The following PPARA variants were observed in gnomAD, a reference collection of about 807,000 sequenced individuals.
PPARA encodes peroxisome proliferator-activated receptor alpha.
Under a neutral mutation model 42.2 loss-of-function variants are expected in PPARA, and 22 were observed. The ratio of observed to expected loss-of-function variants is 0.52; its 90% CI spans 0.37 to 0.74. The LOEUF is 0.74. Ranked by LOEUF, PPARA falls within the 30% of genes least tolerant of loss-of-function variation. The pLI, the probability that PPARA is intolerant of heterozygous loss-of-function variation, is 0.00. For synonymous variants in PPARA, 242 were observed against 239.3 expected (o/e 1.01, Z -0.10); for missense variants, 465 against 608.2 (o/e 0.76, Z 2.48).
At chr22:46,159,532 A>G (rs1056849021) in intron 2 of PPARA, among the ~76,000 whole-genome samples, 2 of 152,208 alleles carry the variant, frequency 1.3e-5, no homozygotes, top group Admixed American at 6.5e-5. Flanking sequence ...TCAGAAGTGC[A>G]CAAAAGTTTA....
intron 4 of PPARA, among the ~76,000 whole-genome samples, chr22:46,208,350 C>A (rs1933594199): frequency 1.3e-5 from 2 of 152,038 alleles, no homozygotes; most frequent in South Asian, 4.1e-4. Flanking sequence ...GAGTTCAAGA[C>A]TAGCCTGGCC....
In PPARA at chr22:46,222,480, C is replaced by T. The variant is rs1412643666; in HGVS notation, c.711+2466C>T. Among the ~76,000 whole-genome samples the T allele has an allele frequency of 3.3e-5, 5 of 152,212 alleles. No homozygotes were observed. Among genetic ancestry groups the T allele is most frequent in the African/African-American group, 1.2e-4 (5 of 41,454 alleles). On this transcript the variant is annotated intron_variant, in intron 7 of 8. Coordinates refer to ENST00000407236, the MANE Select transcript of PPARA (RefSeq NM_005036.6). The surrounding 1 kb of genome is among the most constrained non-coding windows in gnomAD (Gnocchi z 5.9). ...ATGAACAAACCAAACCTCTTCTTTA[C>T]TGAGTCCTTTAATTCTTCAGTGAAT...
In PPARA at chr22:46,221,510, C is replaced by G. The variant is rs1934998147; in HGVS notation, c.711+1496C>G. Among the ~76,000 whole-genome samples the G allele has an allele frequency of 6.6e-6, 1 of 152,196 alleles. No individual in the cohort carries two copies. Among genetic ancestry groups the G allele is most frequent in the African/African-American group, 2.4e-5 (1 of 41,466 alleles). Reference sequence around the variant, plus strand: ...TGACATCTTGGGGCTTAGAAAGGGCCACTTGTAAGCCAGGCGTGGTGGCTC... The same window carrying G: ...TGACATCTTGGGGCTTAGAAAGGGCGACTTGTAAGCCAGGCGTGGTGGCTC... On this transcript the variant is annotated intron_variant, in intron 7 of 8. Transcript: ENST00000407236. This position sits in a 1 kb window ranked among gnomAD's most constrained non-coding sequence, Gnocchi z 5.9.
chr22:46,195,086 A>C lies in PPARA; in HGVS notation c.-42-3256A>C, dbSNP rs2147356065. 6.7e-6 allele frequency among the ~76,000 whole-genome samples: 1 copy of C among 149,114 alleles called. No individual in the cohort carries two copies. The highest frequency in any genetic ancestry group is 2.5e-5 in the African/African-American group (1 of 40,438). ...CCCGGCTAATTTTTGTATTTTTAGT[A>C]GAGACGGGGTTTCACCCTGTTGGCC... On this transcript the variant is annotated intron_variant, in intron 3 of 8. Coordinates refer to ENST00000407236, the MANE Select transcript of PPARA (RefSeq NM_005036.6). The surrounding 1 kb of genome is among the most constrained non-coding windows in gnomAD (Gnocchi z 4.6).
Position 46,236,582 on chromosome 22 carries a change from C to T in PPARA, c.*1202C>T, listed in dbSNP as rs1200237023. ...ACTGACACCTTACTTGTCAGTGTTC[C>T]TCCGGGCCCCATTTGGCAGCTCCCG... On this transcript the variant is annotated 3_prime_UTR_variant, in exon 9 of 9. Coordinates refer to ENST00000407236, the MANE Select transcript of PPARA (RefSeq NM_005036.6). The surrounding 1 kb of genome is among the most constrained non-coding windows in gnomAD (Gnocchi z 5.2). 3 of 152,646 alleles carry T rather than the reference C, an allele frequency of 2.0e-5. No individual in the cohort carries two copies. The highest frequency in any genetic ancestry group is 2.9e-5 in the Non-Finnish European group (2 of 68,066). 9.5% of individuals were successfully genotyped at this position (152,646 alleles called of 1,614,324 possible).
chr22:46,157,584 A>G (rs1925511455), intron 2 of PPARA, among the ~76,000 whole-genome samples: 1 of 152,244 alleles, frequency 6.6e-6, no homozygotes, highest in Non-Finnish European at 1.5e-5. Flanking sequence ...TATGGATTAA[A>G]TAGAATTTTT....
chr22:46,214,512 A>G (rs4253730), intron 4 of PPARA, among the ~76,000 whole-genome samples: 48,396 of 130,370 alleles, frequency 0.37, 8,938 homozygotes, highest in African/African-American at 0.55. Flanking sequence ...GGAAATGTGC[A>G]GAGCGGAGAT....
At chr22:46,174,189 A>AG (rs1491302163) in intron 2 of PPARA, among the ~76,000 whole-genome samples, 15,195 of 106,690 alleles carry the variant, frequency 0.14, 1,081 homozygotes, top group Middle Eastern at 0.18. Flanking sequence ...AAGAAGGAAG[A>AG]AAGAGAGAGA....
At chr22:46,194,795 A>T (rs1479468702) in intron 3 of PPARA, among the ~76,000 whole-genome samples, 1 of 150,606 alleles carries the variant, frequency 6.6e-6, no homozygotes, top group Non-Finnish European at 1.5e-5. Context: ...GCTGGTTTTG[A>T]ACTCCTGACC....
chr22:46,217,337 G>A (rs1203590318), intron 5 of PPARA, among the ~76,000 whole-genome samples: 1 of 152,162 alleles, frequency 6.6e-6, no homozygotes, highest in Non-Finnish European at 1.5e-5. Flanking sequence ...GAACTCCTTC[G>A]CATGTTTTCT....
rs1298901903 is a variant in PPARA at position 46,227,316 on chromosome 22, A to G, written c.712-4476A>G. Among the ~76,000 whole-genome samples the G allele has an allele frequency of 2.6e-5, 4 of 152,076 alleles. No homozygotes were observed. The highest frequency in any genetic ancestry group is 4.4e-5 in the Non-Finnish European group (3 of 68,022). On this transcript the variant is annotated intron_variant, in intron 7 of 8. Coordinates refer to ENST00000407236, the MANE Select transcript of PPARA (RefSeq NM_005036.6). The surrounding 1 kb of genome is among the most constrained non-coding windows in gnomAD (Gnocchi z 4.3). The stretch of plus-strand genomic sequence containing the variant: ...GCCCAGGCTGGAGTGCAGTGGCGCA[A>G]TCTCAGCTCACTGCAACCTCCCCCT...
intron 3 of PPARA, 130 bp downstream of exon 3, chr22:46,176,966 T>G (rs978970406): frequency 2.0e-5 from 3 of 152,322 alleles, no homozygotes; most frequent in African/African-American, 7.2e-5. Context: ...ATCCCAGGAC[T>G]TTGGGGGGCC....
intron 3 of PPARA, among the ~76,000 whole-genome samples, 189 bp downstream of exon 3, chr22:46,177,025 A>G (rs1427457326): frequency 1.3e-5 from 2 of 152,184 alleles, no homozygotes; most frequent in African/African-American, 4.8e-5. Flanking sequence ...CCTGGCTAAC[A>G]CAGTGAAACC....
rs117597757 is a variant in PPARA at position 46,184,894 on chromosome 22, G to A, written c.-43+8058G>A. ...GTATTCTGTTGGATCGTTTGTGTGC[G>A]ACGTGTTTTTCCCTCTCAGAAAGCT... On this transcript the variant is annotated intron_variant, in intron 3 of 8. Transcript: ENST00000407236. The surrounding 1 kb of genome is among the most constrained non-coding windows in gnomAD (Gnocchi z 4.4). 1.9e-3 allele frequency among the ~76,000 whole-genome samples: 285 copies of A among 152,236 alleles called. No individual in the cohort carries two copies. The highest frequency in any genetic ancestry group is 3.5e-3 in the Non-Finnish European group (236 of 68,022).
At chr22:46,174,647 T>C (rs1220362067) in intron 2 of PPARA, among the ~76,000 whole-genome samples, 1 of 151,748 alleles carries the variant, frequency 6.6e-6, no homozygotes, top group Non-Finnish European at 1.5e-5. Flanking sequence ...TGAGACCCTG[T>C]CTCTACAAAA....
At position 46,191,330 on chromosome 22, in the gene PPARA, C is replaced by T. The variant is rs1360339419; in HGVS notation, c.-42-7012C>T. 3.3e-5 allele frequency among the ~76,000 whole-genome samples: 5 copies of T among 152,152 alleles called. No homozygotes were observed. Among genetic ancestry groups the T allele is most frequent in the South Asian group, 4.1e-4 (2 of 4,834 alleles). On this transcript the variant is annotated intron_variant, in intron 3 of 8. Coordinates refer to ENST00000407236, the MANE Select transcript of PPARA (RefSeq NM_005036.6). The surrounding 1 kb of genome is among the most constrained non-coding windows in gnomAD (Gnocchi z 4.6). ...AGCCCACAGTGGAGGGGTTTCCCTT[C>T]GGTCTCCTTTTATTCCAAGCAAGTG...
In PPARA at chr22:46,222,854, C is replaced by T. The variant is rs888684219; in HGVS notation, c.711+2840C>T. 9.2e-5 allele frequency among the ~76,000 whole-genome samples: 14 copies of T among 151,998 alleles called. No individual in the cohort carries two copies. Among genetic ancestry groups the T allele is most frequent in the African/African-American group, 3.4e-4 (14 of 41,384 alleles). ...GCAACACAAGGAGACCTCGTCTCTA[C>T]AAAAAATGATTTTTTAAAAAACTAG... is the stretch of plus-strand genomic sequence containing the variant. On this transcript the variant is annotated intron_variant, in intron 7 of 8. Coordinates refer to ENST00000407236, the MANE Select transcript of PPARA (RefSeq NM_005036.6). This position sits in a 1 kb window ranked among gnomAD's most constrained non-coding sequence, Gnocchi z 5.9.
At position 46,234,593 on chromosome 22, in the gene PPARA, C is replaced by T. The variant is rs1041225894; in HGVS notation, c.1160-540C>T. On this transcript the variant is annotated intron_variant, in intron 8 of 8. Transcript: ENST00000407236. The surrounding 1 kb of genome is among the most constrained non-coding windows in gnomAD (Gnocchi z 5.8). The stretch of plus-strand genomic sequence containing the variant: ...TCTTGGCTCACTGCAATCTCCGTCT[C>T]CCAGGTTCAAGCGATTCTCCCACCT... 2.6e-5 allele frequency among the ~76,000 whole-genome samples: 4 copies of T among 152,314 alleles called. No homozygotes were observed. The highest frequency in any genetic ancestry group is 9.6e-5 in the African/African-American group (4 of 41,576).
At position 46,235,732 on chromosome 22, in the gene PPARA, G is replaced by T; in HGVS notation, c.*352G>T. ...TTAACTGGTAACCTCAAAATTCGTG[G>T]CCTGTCTTCCCATTCACCCCGCTTT... On this transcript the variant is annotated 3_prime_UTR_variant, in exon 9 of 9. Transcript: ENST00000407236. The surrounding 1 kb of genome is among the most constrained non-coding windows in gnomAD (Gnocchi z 7.0). 6.0e-6 allele frequency: 2 copies of T among 335,512 alleles called. No individual in the cohort carries two copies. The highest frequency in any genetic ancestry group is 4.4e-5 in the Admixed American group (1 of 22,938). The allele number at this position is 335,512 out of a possible 1,614,324, so 20.8% of individuals were successfully genotyped here. A position where few individuals can be genotyped will look rare whatever the true frequency, so the allele number is the denominator to read the frequency against.
Sources: allele counts gnomAD v4.1 joint callset (sites outside exome capture counted in the v4.1 genomes callset), GRCh38; gene constraint gnomAD v4.1.1; non-coding constraint Gnocchi (gnomAD v3.1); transcripts MANE v1.5; gene names NCBI Gene and HGNC (gene_info 2026-07-23, HGNC 2026-07-21).